Variants in STXBP5L observed in about 807,000 individuals in gnomAD.
STXBP5L encodes the protein syntaxin-binding protein 5-like.
STXBP5L carries 65 observed loss-of-function variants against 144.5 expected under a neutral mutation model. The observed-to-expected ratio is 0.45, with a 90% CI of 0.37 to 0.55. The LOEUF is 0.55. Ranked by LOEUF, STXBP5L falls within the 20% of genes least tolerant of loss-of-function variation. STXBP5L has a pLI of 0.00. For missense variants in STXBP5L, 1,298 were observed against 1,405.5 expected (o/e 0.92, Z 1.22); for synonymous variants, 505 against 469.6 (o/e 1.08, Z -0.97).
intron 5 of STXBP5L, among the ~76,000 whole-genome samples, chr3:121,090,241 T>G (rs2042711720): frequency 6.6e-6 from 1 of 152,130 alleles, no homozygotes; most frequent in Admixed American, 6.6e-5. Flanking sequence ...TCAGATGTTG[T>G]GTTATTAATG....
At chr3:121,086,790 C>T (rs1378852017) in intron 5 of STXBP5L, among the ~76,000 whole-genome samples, 1 of 152,002 alleles carries the variant, frequency 6.6e-6, no homozygotes, top group Non-Finnish European at 1.5e-5. Context: ...TTTTGGGATA[C>T]TCAACCTGTA....
intron 19 of STXBP5L, among the ~76,000 whole-genome samples, chr3:121,314,609 G>C (rs2043711760): frequency 6.7e-6 from 1 of 149,094 alleles, no homozygotes; most frequent in Admixed American, 6.6e-5. Context: ...GGGAGAGGGA[G>C]AGGGAGAGGG....
At chr3:120,984,275 C>A (rs758295618) in intron 3 of STXBP5L, among the ~76,000 whole-genome samples, 2 of 152,170 alleles carry the variant, frequency 1.3e-5, no homozygotes, top group African/African-American at 2.4e-5. Flanking sequence ...TTTTCTTTTA[C>A]CAGTAATGGC....
chr3:120,978,240 G>T (rs145968941), intron 3 of STXBP5L, among the ~76,000 whole-genome samples: 1 of 152,028 alleles, frequency 6.6e-6, no homozygotes. Flanking sequence ...GGCTTTGTTC[G>T]TTTCTTTTTA....
chr3:121,279,859 A>C lies in STXBP5L; in HGVS notation c.2013A>C (p.Thr671=). ...CTGTGGTGGATTTTATACAGAAGAC[A>C]GTACTGTTAAGCATGGGGACCATTG... ...GLAVVDFIQK[T]VLLSMGTIDL... is the part of the protein sequence containing the mutation. The change falls in exon 19 of 27, where the codon ACA becomes ACC. Residue 671 remains threonine (T), a synonymous_variant. Coordinates refer to ENST00000471454, the MANE Select transcript of STXBP5L (RefSeq NM_001308330.2). The C allele has an allele frequency of 6.2e-7, 1 of 1,612,748 alleles. No individual in the cohort carries two copies. The highest frequency in any genetic ancestry group is 8.5e-7 in the Non-Finnish European group (1 of 1,178,994).
intron 22 of STXBP5L, among the ~76,000 whole-genome samples, chr3:121,385,325 G>A (rs2046403462): frequency 1.3e-5 from 2 of 152,128 alleles, no homozygotes; most frequent in Non-Finnish European, 2.9e-5. Context: ...TACATGGCAA[G>A]AGGAAAAGCA....
intron 19 of STXBP5L, among the ~76,000 whole-genome samples, chr3:121,283,774 T>A (rs2051138805): frequency 6.6e-6 from 1 of 151,980 alleles, no homozygotes; most frequent in African/African-American, 2.4e-5. Context: ...CTGCACCACA[T>A]AAAGGATTTC....
chr3:120,928,389 A>C (rs550121683), intron 2 of STXBP5L, among the ~76,000 whole-genome samples: 1 of 152,134 alleles, frequency 6.6e-6, no homozygotes, highest in Non-Finnish European at 1.5e-5. Flanking sequence ...CAGCCTCTGG[A>C]GTAGCTGAAA....
chr3:121,368,935 G>A (rs558449419), intron 20 of STXBP5L, among the ~76,000 whole-genome samples: 18 of 152,254 alleles, frequency 1.2e-4, no homozygotes, highest in Admixed American at 2.6e-4. Context: ...TAGGGCTTGC[G>A]GGAATGAGGG....
chr3:121,010,397 C>A lies in STXBP5L; in HGVS notation c.288-31303C>A, dbSNP rs186044331. ...ACTGGGCAAGGTATTTTAATTTTCC[C>A]TTTGGTGTCTAATATTAGTCTTCTG... On this transcript the variant is annotated intron_variant, in intron 3 of 26. Transcript: ENST00000471454. 3.3e-5 allele frequency among the ~76,000 whole-genome samples: 5 copies of A among 151,704 alleles called. No homozygotes were observed. In the South Asian group the frequency reaches 1.0e-3, roughly 32 times the overall value.
At chr3:121,404,175 A>G (rs921683061) in intron 22 of STXBP5L, among the ~76,000 whole-genome samples, 2 of 152,130 alleles carry the variant, frequency 1.3e-5, no homozygotes, top group African/African-American at 4.8e-5. Context: ...TTCTACATCT[A>G]TTAATGACAA....
At chr3:121,309,508 C>A (rs1281759589) in intron 19 of STXBP5L, among the ~76,000 whole-genome samples, 2 of 151,984 alleles carry the variant, frequency 1.3e-5, no homozygotes, top group African/African-American at 4.8e-5. Context: ...CAATGCCTAA[C>A]ATGATCAAAA....
chr3:121,047,809 C>T (rs953163456), intron 5 of STXBP5L, among the ~76,000 whole-genome samples: 7 of 152,266 alleles, frequency 4.6e-5, no homozygotes, highest in Admixed American at 1.3e-4. Context: ...CAGCTTGCCA[C>T]TCTGTGCCTT....
At chr3:121,174,475 A>G (rs1033851972) in intron 9 of STXBP5L, among the ~76,000 whole-genome samples, 3 of 152,144 alleles carry the variant, frequency 2.0e-5, no homozygotes, top group Non-Finnish European at 4.4e-5. Context: ...AAGTTGGCCC[A>G]TGCAGTCTAA....
chr3:121,051,176 C>A (rs562427900), intron 5 of STXBP5L, among the ~76,000 whole-genome samples: 2 of 152,128 alleles, frequency 1.3e-5, no homozygotes, highest in East Asian at 3.9e-4. Flanking sequence ...GACAGATCAA[C>A]GAGACAGAAA....
At chr3:121,186,229 C>T (rs2047376489) in intron 9 of STXBP5L, among the ~76,000 whole-genome samples, 1 of 152,224 alleles carries the variant, frequency 6.6e-6, no homozygotes, top group South Asian at 2.1e-4. Context: ...GATATATAAT[C>T]ATGTCATCTG....
intron 4 of STXBP5L, among the ~76,000 whole-genome samples, chr3:121,043,954 C>G (rs79419720): frequency 6.6e-6 from 1 of 151,958 alleles, no homozygotes; most frequent in Non-Finnish European, 1.5e-5. Context: ...ATACTGTATT[C>G]AAAAAAATCA....
At chr3:121,050,889 G>T (rs1180207667) in intron 5 of STXBP5L, among the ~76,000 whole-genome samples, 1 of 152,152 alleles carries the variant, frequency 6.6e-6, no homozygotes, top group East Asian at 1.9e-4. Flanking sequence ...GATGGAGGAA[G>T]ATCTACCAAG....
chr3:121,119,133 A>T (rs1011175632), intron 6 of STXBP5L, among the ~76,000 whole-genome samples: 1 of 151,498 alleles, frequency 6.6e-6, no homozygotes, highest in Non-Finnish European at 1.5e-5. Context: ...GAGCATTTAA[A>T]TATGCTCTGA....
Sources: gnomAD v4.1 joint callset for allele counts (sites outside exome capture counted in the v4.1 genomes callset) on GRCh38, gnomAD v4.1.1 for gene constraint, MANE v1.5 for transcripts, NCBI Gene and HGNC (gene_info 2026-07-23, HGNC 2026-07-21) for gene names.